Variants in SLC15A1 observed in about 807,000 individuals in gnomAD.
SLC15A1 encodes the protein solute carrier family 15 member 1.
SLC15A1 carries 83 observed loss-of-function variants against 92.9 expected under a neutral mutation model. The ratio of observed to expected loss-of-function variants is 0.89; its 90% CI spans 0.75 to 1.07. SLC15A1 has a LOEUF of 1.07. Ranked by LOEUF, SLC15A1 falls within the 50% of genes least tolerant of loss-of-function variation. SLC15A1 has a pLI of 0.00. For missense variants in SLC15A1, 857 were observed against 880.1 expected (o/e 0.97, Z 0.33); for synonymous variants, 322 against 318.2 (o/e 1.01, Z -0.13).
rs199721232 is a variant in SLC15A1, at chr13:98,715,573, T to C, written c.723+305A>G. Among the ~76,000 whole-genome samples the C allele has an allele frequency of 1.9e-4, 29 of 152,348 alleles. No individual in the cohort carries two copies. The East Asian group carries it at 4.8e-3, about 25-fold the overall frequency. On this transcript the variant is annotated intron_variant, in intron 9 of 22. Coordinates refer to ENST00000376503, the MANE Select transcript of SLC15A1 (RefSeq NM_005073.4). ...ATTGCCAAATTGAGCCTCCCCATTT[T>C]TGATTCACTGCTCCCTGACAAACCT...
At chr13:98,718,300 C>CTTTTTTTTTTTTTTTTTTTTTT (rs532286337) in intron 8 of SLC15A1, among the ~76,000 whole-genome samples, 1 of 84,128 alleles carries the variant, frequency 1.2e-5, no homozygotes, top group African/African-American at 6.8e-5. Flanking sequence ...TCACCTTCAT[C>CTTTTTTTTTTTTTTTTTTTTTT]TTTTTTTTTT....
At chr13:98,743,834 G>T (rs1004157124) in intron 1 of SLC15A1, among the ~76,000 whole-genome samples, 1 of 152,060 alleles carries the variant, frequency 6.6e-6, no homozygotes, top group Non-Finnish European at 1.5e-5. Flanking sequence ...ATATGCTCAG[G>T]TTAAAGAGAA....
Position 98,726,878 on chromosome 13 carries a change from C to T in SLC15A1, c.5-19G>A, listed in dbSNP as rs200304118. 3.1e-6 allele frequency: 5 copies of T among 1,612,880 alleles called. No homozygotes were observed. Among genetic ancestry groups the T allele is most frequent in the South Asian group, 1.1e-5 (1 of 91,026 alleles). On this transcript the variant is annotated intron_variant, in intron 1 of 22. Transcript: ENST00000376503. ...GACATTCCTAAAAGAAAAACAGAATCCCAATATTAAAGTCAAGCCATTACA... is the reference window on the plus strand; with the variant it reads ...GACATTCCTAAAAGAAAAACAGAATTCCAATATTAAAGTCAAGCCATTACA...
At chr13:98,688,639 T>A in intron 18 of SLC15A1, 62 bp from the exon 19 acceptor site, 1 of 1,196,036 alleles carries the variant, frequency 8.4e-7, no homozygotes, top group Non-Finnish European at 1.2e-6. Flanking sequence ...TAGGTCACAG[T>A]ACATGCACCT....
At position 98,747,202 on chromosome 13, in the gene SLC15A1, C is replaced by T. The variant is rs186564596; in HGVS notation, c.4+5393G>A. Among the ~76,000 whole-genome samples, 209 of 152,300 alleles carry T rather than the reference C, an allele frequency of 1.4e-3. 4 individuals are homozygous for T. Among genetic ancestry groups the T allele is most frequent in the Admixed American group, 3.9e-3 (59 of 15,302 alleles). ...CCCGGGATGATGAGTCAACCGTGCTCGCTCAGCTGAGAATACTGCTCTTTC... is the reference window on the plus strand; with the variant it reads ...CCCGGGATGATGAGTCAACCGTGCTTGCTCAGCTGAGAATACTGCTCTTTC... On this transcript the variant is annotated intron_variant, in intron 1 of 22. Transcript: ENST00000376503.
In SLC15A1 at chr13:98,702,487, C is replaced by A; in HGVS notation, c.1459G>T (p.Gly487Ter). The stretch of plus-strand genomic sequence containing the variant: ...TTAAAGAAATATACATACCTGATTC[C>A]ATTTTCCCCTTTTTCTGGCTTCTGG... ...LNQKPEKGEN[G>*]IRFVNTFNEL... The change falls in exon 18 of 23, where the codon GGA (glycine) becomes TGA (stop). Residue 487 changes from glycine to a stop codon, truncating the protein, a stop_gained. Transcript: ENST00000376503. LOFTEE classifies it high-confidence loss of function. The A allele has an allele frequency of 6.2e-7, 1 of 1,606,194 alleles. No individual in the cohort carries two copies. The highest frequency in any genetic ancestry group is 8.5e-7 in the Non-Finnish European group (1 of 1,173,078).
At chr13:98,727,370 T>C (rs1413897863) in intron 1 of SLC15A1, among the ~76,000 whole-genome samples, 1 of 152,200 alleles carries the variant, frequency 6.6e-6, no homozygotes, top group Non-Finnish European at 1.5e-5. Context: ...ATCTCTGATG[T>C]GCCTACATCA....
chr13:98,719,488 G>A (rs2088237216), intron 7 of SLC15A1, among the ~76,000 whole-genome samples, 168 bp from the exon 8 acceptor site: 1 of 152,216 alleles, frequency 6.6e-6, no homozygotes, highest in African/African-American at 2.4e-5. Context: ...CAGCAGTGAA[G>A]CAGGAGGAGC....
rs1475935876 is a variant in SLC15A1, at chr13:98,708,785, G to T, written c.1068-18C>A. On this transcript the variant is annotated intron_variant, in intron 14 of 22. Transcript: ENST00000376503. ...TCAAGGAGCTGATGGCACAAGAGAA[G>T]AGTGACTCTCAACCAGTTTCACATA... 2 of 1,598,532 alleles carry T rather than the reference G, an allele frequency of 1.3e-6. No homozygotes were observed. Among genetic ancestry groups the T allele is most frequent in the Non-Finnish European group, 8.5e-7 (1 of 1,171,920 alleles).
At position 98,686,188 on chromosome 13, in the gene SLC15A1, A is replaced by G. The variant is rs771488000; in HGVS notation, c.1935+2T>C. The G allele has an allele frequency of 1.9e-6, 3 of 1,609,438 alleles. No individual in the cohort carries two copies. The Admixed American group carries it at 5.0e-5, about 27-fold the overall frequency. The stretch of plus-strand genomic sequence containing the variant: ...TGTGCAATCTCCTCTCCCACGCCAT[A>G]CCTGTTTGCTGAACTGGCCTGCCCC... On this transcript the variant is annotated splice_donor_variant, in intron 22 of 22. Coordinates refer to ENST00000376503, the MANE Select transcript of SLC15A1 (RefSeq NM_005073.4). LOFTEE classifies it high-confidence loss of function.
At chr13:98,686,988 C>A (rs145481765) in intron 21 of SLC15A1, among the ~76,000 whole-genome samples, 1 of 141,012 alleles carries the variant, frequency 7.1e-6, no homozygotes, top group Non-Finnish European at 1.5e-5. Flanking sequence ...TGCTCTGTTG[C>A]GCATGCTGGA....
chr13:98,732,466 G>T (rs1594006125), intron 1 of SLC15A1, among the ~76,000 whole-genome samples: 1 of 152,076 alleles, frequency 6.6e-6, no homozygotes, highest in South Asian at 2.1e-4. Context: ...TGGGGGTTGG[G>T]GGGGACAGGG....
chr13:98,723,302 ATTC>A (rs1462091056), intron 5 of SLC15A1, among the ~76,000 whole-genome samples: 3 of 152,210 alleles, frequency 2.0e-5, no homozygotes, highest in Non-Finnish European at 4.4e-5. Flanking sequence ...TTGAGTTTCT[ATTC>A]TTCTTTCCCA....
At chr13:98,745,189 G>A (rs1287879556) in intron 1 of SLC15A1, among the ~76,000 whole-genome samples, 4 of 152,136 alleles carry the variant, frequency 2.6e-5, no homozygotes, top group African/African-American at 4.8e-5. Flanking sequence ...TAAGTGGACC[G>A]TTTACAGTTG....
intron 9 of SLC15A1, among the ~76,000 whole-genome samples, chr13:98,713,911 G>T (rs1295755772): frequency 6.6e-6 from 1 of 152,064 alleles, no homozygotes; most frequent in Non-Finnish European, 1.5e-5. Context: ...GCTGGGCGTG[G>T]TAGTGTACGT....
At chr13:98,744,240 C>CAAAAAA (rs898374872) in intron 1 of SLC15A1, among the ~76,000 whole-genome samples, 2 of 42,352 alleles carry the variant, frequency 4.7e-5, no homozygotes, top group African/African-American at 9.0e-5. Flanking sequence ...GACTCTGTCT[C>CAAAAAA]AAAAAAAAAA....
intron 1 of SLC15A1, among the ~76,000 whole-genome samples, chr13:98,743,078 T>C (rs1326169251): frequency 1.3e-5 from 2 of 152,206 alleles, no homozygotes; most frequent in African/African-American, 4.8e-5. Context: ...CCAGTCCAGA[T>C]TTCCTCTTTT....
At chr13:98,691,992 G>A (rs2087982684) in intron 18 of SLC15A1, among the ~76,000 whole-genome samples, 1 of 151,774 alleles carries the variant, frequency 6.6e-6, no homozygotes, top group Admixed American at 6.6e-5. Flanking sequence ...AGAATCGCTT[G>A]AACCCAGGAG....
At chr13:98,686,420 G>C (rs886159181) in intron 21 of SLC15A1, 123 bp from the exon 22 acceptor site, 1 of 676,310 alleles carries the variant, frequency 1.5e-6, no homozygotes, top group African/African-American at 1.8e-5. Flanking sequence ...AAGTCAGGTG[G>C]CCTCAATGTA....
Sources: gnomAD v4.1 joint callset for allele counts (sites outside exome capture counted in the v4.1 genomes callset) on GRCh38, gnomAD v4.1.1 for gene constraint, MANE v1.5 for transcripts, NCBI Gene and HGNC (gene_info 2026-07-23, HGNC 2026-07-21) for gene names.